The following RBPMS2 variants were observed in gnomAD, a reference collection of about 807,000 sequenced individuals.
RBPMS2 encodes the protein RNA binding protein, mRNA processing factor 2, also known as RNA-binding protein with multiple splicing 2.
RBPMS2 carries 14 observed loss-of-function variants against 25.7 expected under a neutral mutation model. The ratio of observed to expected loss-of-function variants is 0.55; its 90% CI spans 0.36 to 0.85. The LOEUF is 0.85. RBPMS2 is among the 40% of genes least tolerant of loss of function. RBPMS2 has a pLI of 0.01. For missense variants in RBPMS2, 252 were observed against 283.4 expected (o/e 0.89, Z 0.80); for synonymous variants, 127 against 115.6 (o/e 1.10, Z -0.63).
In RBPMS2 at chr15:64,762,941, G is replaced by C. The variant is rs563120694; in HGVS notation, c.88-11303C>G. On this transcript the variant is annotated intron_variant, in intron 1 of 7. Transcript: ENST00000300069. ...AGGGGCCAGCCAGCTCTGGGCCCTA[G>C]ACCGACCTGGGCCTGGGAACTTGAG... is the stretch of plus-strand genomic sequence containing the variant. Among the ~76,000 whole-genome samples the C allele has an allele frequency of 4.6e-5, 7 of 152,214 alleles. No homozygotes were observed. In the East Asian group the frequency reaches 1.2e-3, roughly 25 times the overall value.
chr15:64,759,957 G>A (rs1372154419), intron 1 of RBPMS2, among the ~76,000 whole-genome samples: 1 of 152,230 alleles, frequency 6.6e-6, no homozygotes, highest in Non-Finnish European at 1.5e-5. Context: ...ACAGGCGTGA[G>A]CCACCGCGCC....
chr15:64,753,359 T>C (rs1281688694), intron 1 of RBPMS2, among the ~76,000 whole-genome samples: 1 of 152,188 alleles, frequency 6.6e-6, no homozygotes, highest in African/African-American at 2.4e-5. Context: ...CGCTCTCTAG[T>C]GATGGCCCGC....
chr15:64,750,405 C>A, intron 2 of RBPMS2, 24 bp from the exon 3 acceptor site: 1 of 1,610,544 alleles, frequency 6.2e-7, no homozygotes, highest in Non-Finnish European at 8.5e-7. Context: ...TGGCTGTTAC[C>A]GTGGAAGGTC....
intron 1 of RBPMS2, among the ~76,000 whole-genome samples, chr15:64,763,958 G>A (rs1276214140): frequency 6.6e-6 from 1 of 152,142 alleles, no homozygotes; most frequent in Non-Finnish European, 1.5e-5. Flanking sequence ...TAATGTCGTG[G>A]GAACACACCT....
chr15:64,771,148 G>A (rs1400903232), intron 1 of RBPMS2, among the ~76,000 whole-genome samples: 2 of 152,146 alleles, frequency 1.3e-5, no homozygotes, highest in Non-Finnish European at 2.9e-5. Context: ...CCTTCCAGGG[G>A]TGCCCCCCAG....
intron 1 of RBPMS2, among the ~76,000 whole-genome samples, chr15:64,762,189 T>G (rs2083795340): frequency 6.6e-6 from 1 of 151,920 alleles, no homozygotes; most frequent in African/African-American, 2.4e-5. Flanking sequence ...GGGGTAGGTA[T>G]GATGGTGATG....
At chr15:64,752,902 G>A (rs1159637220) in intron 1 of RBPMS2, among the ~76,000 whole-genome samples, 13 of 152,100 alleles carry the variant, frequency 8.5e-5, no homozygotes, top group Admixed American at 7.2e-4. Flanking sequence ...TTGAGCCACC[G>A]TGCCCGGCTG....
At chr15:64,747,878 C>T (rs1186355013) in intron 6 of RBPMS2, among the ~76,000 whole-genome samples, 1 of 152,188 alleles carries the variant, frequency 6.6e-6, no homozygotes, top group Admixed American at 6.5e-5. Flanking sequence ...TTCATGGAAG[C>T]GAGAGCCAAC....
intron 1 of RBPMS2, among the ~76,000 whole-genome samples, chr15:64,763,564 T>C (rs891016523): frequency 6.6e-6 from 1 of 152,218 alleles, no homozygotes; most frequent in Non-Finnish European, 1.5e-5. Flanking sequence ...TAAGGCCCCA[T>C]CCTGGGCTGC....
chr15:64,758,375 C>T (rs1379859559), intron 1 of RBPMS2, among the ~76,000 whole-genome samples: 1 of 152,238 alleles, frequency 6.6e-6, no homozygotes, highest in East Asian at 1.9e-4. Flanking sequence ...CTGGAAGGTA[C>T]ACCTGTAGTC....
intron 1 of RBPMS2, among the ~76,000 whole-genome samples, chr15:64,769,635 G>A (rs915233854): frequency 6.6e-6 from 1 of 151,940 alleles, no homozygotes; most frequent in African/African-American, 2.4e-5. Flanking sequence ...ACTTCAGCCT[G>A]GGCGACAGAG....
chr15:64,748,950 T>C (rs2083646554), intron 5 of RBPMS2, 50 bp downstream of exon 5: 5 of 1,601,260 alleles, frequency 3.1e-6, no homozygotes, highest in Non-Finnish European at 3.4e-6. Context: ...CCTGCAAGTC[T>C]GCCCTGAATG....
At chr15:64,751,398 C>A (rs2083678614) in intron 2 of RBPMS2, among the ~76,000 whole-genome samples, 163 bp downstream of exon 2, 1 of 151,984 alleles carries the variant, frequency 6.6e-6, no homozygotes, top group Admixed American at 6.6e-5. Flanking sequence ...GCTCAGAAGG[C>A]AGCATGTGAA....
At chr15:64,764,769 T>C (rs1248651809) in intron 1 of RBPMS2, among the ~76,000 whole-genome samples, 1 of 144,532 alleles carries the variant, frequency 6.9e-6, no homozygotes, top group Non-Finnish European at 1.5e-5. Context: ...TAAAAAAAAA[T>C]TAGCCGGGCA....
At chr15:64,756,970 ATTTTTTT>A (rs567804797) in intron 1 of RBPMS2, among the ~76,000 whole-genome samples, 4 of 98,960 alleles carry the variant, frequency 4.0e-5, no homozygotes, top group South Asian at 3.2e-4. Flanking sequence ...GCCCGGCCTC[ATTTTTTT>A]TTTTTTTTTT....
At chr15:64,774,901 C>T (rs1051864249) in intron 1 of RBPMS2, among the ~76,000 whole-genome samples, 1 of 151,394 alleles carries the variant, frequency 6.6e-6, no homozygotes, top group Non-Finnish European at 1.5e-5. Context: ...CGAGCGGCTA[C>T]GGGGTGGGGA....
chr15:64,748,634 C>G (rs1393031925), intron 5 of RBPMS2, 67 bp from the exon 6 acceptor site: 1 of 1,491,222 alleles, frequency 6.7e-7, no homozygotes, highest in Non-Finnish European at 9.0e-7. Flanking sequence ...GAGAAGGGGA[C>G]CCAGCACTAT....
intron 6 of RBPMS2, among the ~76,000 whole-genome samples, chr15:64,745,971 C>T (rs961049944): frequency 6.6e-6 from 1 of 152,180 alleles, no homozygotes; most frequent in Non-Finnish European, 1.5e-5. Context: ...CTCAGTCCTT[C>T]TATTGGTCTT....
chr15:64,742,436 G>T lies in RBPMS2; in HGVS notation c.568-1194C>A, dbSNP rs575724479. The stretch of plus-strand genomic sequence containing the variant: ...GCCTAAACCCTGGCACTTGCCAGAA[G>T]GCCCCACAGAGCAGTAGCCCCAAAG... On this transcript the variant is annotated intron_variant, in intron 6 of 7. Transcript: ENST00000300069. 9.2e-5 allele frequency among the ~76,000 whole-genome samples: 14 copies of T among 152,354 alleles called. No homozygotes were observed. The South Asian group carries it at 2.7e-3, about 29-fold the overall frequency.
Sources: allele counts gnomAD v4.1 joint callset (sites outside exome capture counted in the v4.1 genomes callset), GRCh38; gene constraint gnomAD v4.1.1; transcripts MANE v1.5; gene names NCBI Gene and HGNC (gene_info 2026-07-23, HGNC 2026-07-21).